The following LRCH1 variants were observed in gnomAD, a reference collection of about 807,000 sequenced individuals.
LRCH1 encodes the protein leucine-rich repeat and calponin homology domain-containing protein 1.
In LRCH1, 23 loss-of-function variants were observed where a neutral mutation model predicts 94.9. The ratio of observed to expected loss-of-function variants is 0.24; its 90% CI spans 0.17 to 0.34. The LOEUF is 0.34. LRCH1 is among the 10% of genes least tolerant of loss of function. The probability of loss-of-function intolerance (pLI) is 1.00; values close to 1 mark genes in which losing one functional copy is unlikely to be tolerated. For synonymous variants in LRCH1, 364 were observed against 354.9 expected (o/e 1.03, Z -0.29); for missense variants, 790 against 945.9 (o/e 0.84, Z 2.16).
chr13:46,653,753 T>C (rs1270533144), intron 2 of LRCH1, among the ~76,000 whole-genome samples: 2 of 151,562 alleles, frequency 1.3e-5, no homozygotes, highest in Non-Finnish European at 2.9e-5. Context: ...GTCTGGGAGG[T>C]TGAAGCTGCG....
intron 2 of LRCH1, among the ~76,000 whole-genome samples, chr13:46,663,853 C>T (rs541129343): frequency 6.6e-6 from 1 of 152,316 alleles, no homozygotes; most frequent in South Asian, 2.1e-4. Flanking sequence ...TCTTTAGATT[C>T]AGGCCTGTGT....
chr13:46,750,439 A>G, intron 18 of LRCH1: 2 of 786,122 alleles, frequency 2.5e-6, no homozygotes, highest in South Asian at 1.7e-5. Context: ...CAGGCATACT[A>G]GAGTATTCAA....
chr13:46,582,772 A>G (rs2050388180), intron 1 of LRCH1, among the ~76,000 whole-genome samples: 1 of 148,718 alleles, frequency 6.7e-6, no homozygotes, highest in African/African-American at 2.5e-5. Context: ...GAGTGCTGGG[A>G]TTATAGGTAT....
chr13:46,633,464 A>G (rs2051043008), intron 1 of LRCH1, among the ~76,000 whole-genome samples: 1 of 152,222 alleles, frequency 6.6e-6, no homozygotes, highest in South Asian at 2.1e-4. Context: ...TGTGTAATAA[A>G]TACTTGGGGC....
rs755596182 is a variant in LRCH1, at chr13:46,694,878, A to G, written c.1121-15A>G. On this transcript the variant is annotated splice_polypyrimidine_tract_variant and intron_variant, in intron 8 of 19. Transcript: ENST00000389797. ...ATGAAATCATGCTTTCCATCTCTCT[A>G]TATTTTCCTAATAGGGGAATTTCAT... The G allele has an allele frequency of 6.2e-6, 10 of 1,613,678 alleles. No homozygotes were observed. The African/African-American group carries it at 6.7e-5, about 11-fold the overall frequency.
chr13:46,646,731 T>C (rs2051225268), intron 1 of LRCH1, among the ~76,000 whole-genome samples: 1 of 152,224 alleles, frequency 6.6e-6, no homozygotes, highest in Non-Finnish European at 1.5e-5. Context: ...ATTGATTGAT[T>C]TAATTTTAGC....
intron 18 of LRCH1, among the ~76,000 whole-genome samples, chr13:46,730,040 T>C (rs984097455): frequency 1.3e-5 from 2 of 152,224 alleles, no homozygotes; most frequent in African/African-American, 4.8e-5. Flanking sequence ...GTCAGTTTTA[T>C]GGTTGTTCAG....
intron 3 of LRCH1, among the ~76,000 whole-genome samples, chr13:46,673,850 T>G (rs1980728): frequency 0.75 from 112,849 of 151,242 alleles, 42,581 homozygotes; most frequent in East Asian, 0.91. Context: ...GCACAATCTC[T>G]GCTCACTGCA....
intron 1 of LRCH1, among the ~76,000 whole-genome samples, chr13:46,565,382 T>C (rs1430681552): frequency 6.6e-6 from 1 of 152,062 alleles, no homozygotes; most frequent in Admixed American, 6.6e-5. Flanking sequence ...CCATATTGCA[T>C]GGGGGGAAAC....
At chr13:46,708,463 G>C (rs774530594) in intron 13 of LRCH1, among the ~76,000 whole-genome samples, 2 of 151,940 alleles carry the variant, frequency 1.3e-5, no homozygotes, top group African/African-American at 2.4e-5. Context: ...GTAGAGACAG[G>C]GTTTTGCCAC....
At chr13:46,584,129 A>G (rs1431574827) in intron 1 of LRCH1, among the ~76,000 whole-genome samples, 2 of 152,204 alleles carry the variant, frequency 1.3e-5, no homozygotes, top group Non-Finnish European at 2.9e-5. Context: ...ACTGAAAGAC[A>G]TAGGATAATT....
intron 1 of LRCH1, among the ~76,000 whole-genome samples, chr13:46,632,554 G>C (rs989381975): frequency 1.3e-5 from 2 of 152,182 alleles, no homozygotes; most frequent in Non-Finnish European, 2.9e-5. Flanking sequence ...ATTTCAAATT[G>C]TTTACAAGAC....
intron 11 of LRCH1, among the ~76,000 whole-genome samples, chr13:46,702,384 C>A (rs1871525706): frequency 6.6e-6 from 1 of 152,140 alleles, no homozygotes; most frequent in Non-Finnish European, 1.5e-5. Flanking sequence ...CGCCTGTAAT[C>A]CCAGCTACTC....
In LRCH1 at chr13:46,743,479, A is replaced by G. The variant is rs1056883252; in HGVS notation, c.*1631A>G. ...ATATGAATAACCCACAGATGTACTGAATTACTTTTGGTGCTATCTTGTACT... is the reference window on the plus strand; with the variant it reads ...ATATGAATAACCCACAGATGTACTGGATTACTTTTGGTGCTATCTTGTACT... On this transcript the variant is annotated 3_prime_UTR_variant, in exon 20 of 20. Transcript: ENST00000389797. 8.1e-6 allele frequency: 8 copies of G among 985,826 alleles called. No individual in the cohort carries two copies. Among genetic ancestry groups the G allele is most frequent in the Non-Finnish European group, 9.6e-6 (8 of 829,914 alleles). The allele number at this position is 985,826 out of a possible 1,614,324, so 61.1% of individuals were successfully genotyped here. A position where few individuals can be genotyped will look rare whatever the true frequency, so the allele number is the denominator to read the frequency against.
chr13:46,669,222 C>T (rs73193018), intron 3 of LRCH1, 66 bp downstream of exon 3: 245,330 of 1,575,178 alleles, frequency 0.16, 20,642 homozygotes, highest in Admixed American at 0.21. Context: ...TCAAGGTATT[C>T]AGAAAACCTT....
intron 2 of LRCH1, among the ~76,000 whole-genome samples, chr13:46,660,934 T>C (rs1009244450): frequency 6.6e-6 from 1 of 152,214 alleles, no homozygotes; most frequent in East Asian, 1.9e-4. Flanking sequence ...TTTTCCAAAT[T>C]AGTATATCTT....
chr13:46,721,324 G>A (rs1331215827), intron 16 of LRCH1, among the ~76,000 whole-genome samples: 2 of 152,208 alleles, frequency 1.3e-5, no homozygotes, highest in Non-Finnish European at 2.9e-5. Context: ...TGTTTAAACG[G>A]TGTTGAGGCG....
chr13:46,699,445 T>C, intron 10 of LRCH1, 42 bp downstream of exon 10: 1 of 1,572,238 alleles, frequency 6.4e-7, no homozygotes. Context: ...ATCACTCAAA[T>C]CCACTTTGCA....
intron 7 of LRCH1, 34 bp from the exon 8 acceptor site, chr13:46,692,502 C>G (rs1194187921): frequency 2.1e-6 from 3 of 1,433,254 alleles, no homozygotes; most frequent in Non-Finnish European, 3.0e-6. Flanking sequence ...GATAACACTT[C>G]TCTTGAGTTA....
Sources: gnomAD v4.1 joint callset for allele counts (sites outside exome capture counted in the v4.1 genomes callset) on GRCh38, gnomAD v4.1.1 for gene constraint, MANE v1.5 for transcripts, NCBI Gene and HGNC (gene_info 2026-07-23, HGNC 2026-07-21) for gene names.